Variants in AKT3 observed in about 807,000 individuals in gnomAD.
AKT3 encodes the protein AKT serine/threonine kinase 3.
AKT3 carries 15 observed loss-of-function variants against 65.3 expected under a neutral mutation model. The ratio of observed to expected loss-of-function variants is 0.23; its 90% CI spans 0.15 to 0.35. AKT3 has a LOEUF of 0.35. Among genes scored for constraint, AKT3 ranks in the 10% least tolerant of loss-of-function variants. AKT3 has a pLI of 1.00. For missense variants in AKT3, 243 were observed against 576.5 expected (o/e 0.42, Z 5.92); for synonymous variants, 206 against 183.8 (o/e 1.12, Z -0.98).
At chr1:243,659,471 A>AC (rs1160147481) in intron 4 of AKT3, among the ~76,000 whole-genome samples, 1 of 36,554 alleles carries the variant, frequency 2.7e-5, no homozygotes, top group Non-Finnish European at 1.8e-4. Flanking sequence ...CATTTTTGTT[A>AC]AAAAAAATAA....
At position 243,796,713 on chromosome 1, in the gene AKT3, C is replaced by A. The variant is rs545281191; in HGVS notation, c.46+46412G>T. On this transcript the variant is annotated intron_variant, in intron 2 of 13. Coordinates refer to ENST00000673466, the MANE Select transcript of AKT3 (RefSeq NM_005465.7). ...TGTAACGTTCTTCTTCTAGTTCTTGCATGGCCCCTTCTCATTTTTCAGATC... is the reference window on the plus strand; with the variant it reads ...TGTAACGTTCTTCTTCTAGTTCTTGAATGGCCCCTTCTCATTTTTCAGATC... Among the ~76,000 whole-genome samples, 104 of 152,232 alleles carry A rather than the reference C, an allele frequency of 6.8e-4. 2 individuals carry two copies. Among genetic ancestry groups the A allele is most frequent in the Admixed American group, 1.7e-3 (26 of 15,304 alleles).
At chr1:243,632,864 G>A (rs1679707208) in intron 6 of AKT3, among the ~76,000 whole-genome samples, 1 of 152,136 alleles carries the variant, frequency 6.6e-6, no homozygotes, top group African/African-American at 2.4e-5. Flanking sequence ...TTCTTCTGCA[G>A]CTTCCTTACT....
At chr1:243,774,655 A>G (rs1052838473) in intron 2 of AKT3, among the ~76,000 whole-genome samples, 5 of 152,324 alleles carry the variant, frequency 3.3e-5, no homozygotes, top group Admixed American at 2.6e-4. Context: ...GCCAAAGAAA[A>G]GATCTACTTA....
intron 2 of AKT3, among the ~76,000 whole-genome samples, chr1:243,800,613 G>C (rs937496063): frequency 6.6e-6 from 1 of 152,054 alleles, no homozygotes; most frequent in African/African-American, 2.4e-5. Context: ...AGCTACTCGG[G>C]AGGCTGAGGC....
At chr1:243,648,460 T>C (rs1381376834) in intron 4 of AKT3, among the ~76,000 whole-genome samples, 2 of 152,216 alleles carry the variant, frequency 1.3e-5, no homozygotes, top group Non-Finnish European at 2.9e-5. Flanking sequence ...TTATGCTTTT[T>C]ACCTATTGTT....
chr1:243,774,200 TAA>T (rs1384698934), intron 2 of AKT3, among the ~76,000 whole-genome samples: 2 of 149,720 alleles, frequency 1.3e-5, no homozygotes, highest in Admixed American at 6.6e-5. Flanking sequence ...TATATCAATT[TAA>T]GTTTATTTTT....
chr1:243,606,402 G>A (rs1056926625), intron 8 of AKT3, among the ~76,000 whole-genome samples: 2 of 152,160 alleles, frequency 1.3e-5, no homozygotes, highest in Non-Finnish European at 2.9e-5. Context: ...AGATGAAGAC[G>A]AGGAACTTAC....
chr1:243,750,611 T>G (rs1171713403), intron 2 of AKT3, among the ~76,000 whole-genome samples: 2 of 151,092 alleles, frequency 1.3e-5, no homozygotes, highest in African/African-American at 4.9e-5. Context: ...AGACAGAGTC[T>G]CCCTTTGTCG....
intron 2 of AKT3, among the ~76,000 whole-genome samples, chr1:243,726,861 A>G (rs1211602995): frequency 6.6e-6 from 1 of 152,258 alleles, no homozygotes; most frequent in African/African-American, 2.4e-5. Context: ...TTTCCCAAAC[A>G]TCTGGCATCC....
intron 6 of AKT3, among the ~76,000 whole-genome samples, chr1:243,616,102 A>G (rs1433902258): frequency 6.6e-6 from 1 of 151,640 alleles, no homozygotes; most frequent in Non-Finnish European, 1.5e-5. Flanking sequence ...AGGTGGTGTT[A>G]CATGAATAAG....
intron 3 of AKT3, among the ~76,000 whole-genome samples, chr1:243,693,349 A>G (rs1164561178): frequency 6.9e-6 from 1 of 144,624 alleles, no homozygotes; most frequent in African/African-American, 2.5e-5. Context: ...TTAAAAATGT[A>G]CTAAAGGGGG....
chr1:243,842,501 T>C (rs1695304664), intron 2 of AKT3, among the ~76,000 whole-genome samples: 1 of 152,182 alleles, frequency 6.6e-6, no homozygotes, highest in African/African-American at 2.4e-5. Flanking sequence ...AAAATAATAA[T>C]GTGCTTAAGT....
At chr1:243,648,390 G>A (rs1452817882) in intron 4 of AKT3, among the ~76,000 whole-genome samples, 1 of 152,090 alleles carries the variant, frequency 6.6e-6, no homozygotes, top group Non-Finnish European at 1.5e-5. Context: ...ATAGTTTCCA[G>A]ATGTTAACAC....
intron 3 of AKT3, among the ~76,000 whole-genome samples, chr1:243,692,735 A>T (rs941680735): frequency 6.9e-6 from 1 of 144,730 alleles, no homozygotes; most frequent in East Asian, 2.3e-4. Flanking sequence ...GAGACTGTCT[A>T]AAAAAAAAAA....
At chr1:243,708,683 A>G (rs1004703293) in intron 2 of AKT3, among the ~76,000 whole-genome samples, 13 of 152,168 alleles carry the variant, frequency 8.5e-5, no homozygotes, top group Middle Eastern at 3.4e-3. Flanking sequence ...AAAAAAGTAT[A>G]TAAGAATTTT....
At position 243,793,864 on chromosome 1, in the gene AKT3, C is replaced by T. The variant is rs1691783418; in HGVS notation, c.46+49261G>A. 2.0e-5 allele frequency among the ~76,000 whole-genome samples: 3 copies of T among 151,618 alleles called. No individual in the cohort carries two copies. The South Asian group carries it at 6.2e-4, about 32-fold the overall frequency. On this transcript the variant is annotated intron_variant, in intron 2 of 13. Coordinates refer to ENST00000673466, the MANE Select transcript of AKT3 (RefSeq NM_005465.7). ...CGACTGAGTAGCTCATCTACTTTAA[C>T]ATCCATTAATCATCACAACTACCCT... is the stretch of plus-strand genomic sequence containing the variant.
At chr1:243,605,650 CAATACGACCGTA>C (rs534448048) in intron 8 of AKT3, among the ~76,000 whole-genome samples, 50 of 152,230 alleles carry the variant, frequency 3.3e-4, no homozygotes, top group Middle Eastern at 6.8e-3. Flanking sequence ...TCCATTGTAC[CAATACGACCGTA>C]AGAAGTTAGG....
chr1:243,654,615 A>G (rs1681625353), intron 4 of AKT3, among the ~76,000 whole-genome samples: 1 of 152,166 alleles, frequency 6.6e-6, no homozygotes, highest in Non-Finnish European at 1.5e-5. Flanking sequence ...CACAATGCCC[A>G]GCCTCTTTCA....
intron 3 of AKT3, among the ~76,000 whole-genome samples, chr1:243,680,670 A>T (rs528906789): frequency 3.1e-4 from 47 of 152,284 alleles, no homozygotes; most frequent in African/African-American, 1.1e-3. Flanking sequence ...GGAAGCAACA[A>T]AACATGTCCC....
Sources: allele counts gnomAD v4.1 joint callset (sites outside exome capture counted in the v4.1 genomes callset), GRCh38; gene constraint gnomAD v4.1.1; transcripts MANE v1.5; gene names NCBI Gene and HGNC (gene_info 2026-07-23, HGNC 2026-07-21).